Variants in RAD51D observed in about 807,000 individuals in gnomAD.
RAD51D encodes DNA repair protein RAD51 homolog 4.
Under a neutral mutation model 44.1 loss-of-function variants are expected in RAD51D, and 38 were observed. That is an observed-to-expected ratio of 0.86 (90% CI 0.67 to 1.13). The LOEUF (loss-of-function observed/expected upper bound fraction) is 1.13. Among genes scored for constraint, RAD51D ranks in the 50% most tolerant of loss-of-function variants. RAD51D has a pLI of 0.00. For synonymous variants in RAD51D, 141 were observed against 166.6 expected, an observed-to-expected ratio of 0.85 and a Z score of 1.18; for missense variants, 390 against 414.0, an observed-to-expected ratio of 0.94 and a Z score of 0.50.
rs2142417620 is a variant in RAD51D, at chr17:35,103,216, C to T, written c.738+38G>A. ...AAGGGAAATAAAGAGCTCGCAATAACTAGAAATCAAGTTCATTGGCCAAGC... is the reference window on the plus strand; with the variant it reads ...AAGGGAAATAAAGAGCTCGCAATAATTAGAAATCAAGTTCATTGGCCAAGC... On this transcript the variant is annotated intron_variant, in intron 8 of 9. Coordinates refer to ENST00000345365, the MANE Select transcript of RAD51D (RefSeq NM_002878.4). The surrounding 1 kb of genome is among the most constrained non-coding windows in gnomAD (Gnocchi z 4.1). 2 of 1,571,846 alleles carry T rather than the reference C, an allele frequency of 1.3e-6. No individual in the cohort carries two copies. Among genetic ancestry groups the T allele is most frequent in the Non-Finnish European group, 1.7e-6 (2 of 1,155,314 alleles).
intron 9 of RAD51D, 64 bp downstream of exon 9, chr17:35,101,137 C>G (rs938365012): frequency 1.4e-5 from 23 of 1,612,276 alleles, no homozygotes; most frequent in Non-Finnish European, 1.9e-5. Context: ...TCGAAGACAT[C>G]TGTGGGTATG....
rs541794484 is a variant in RAD51D at position 35,114,124 on chromosome 17, T to C, written c.263+4377A>G. The stretch of plus-strand genomic sequence containing the variant: ...CGTCTCTACTAAAAATACAAAAAAT[T>C]AGCTGGGCGTGGTGGCGGGCGCCTG... On this transcript the variant is annotated intron_variant, in intron 3 of 9. Transcript: ENST00000345365. Among the ~76,000 whole-genome samples the C allele has an allele frequency of 2.0e-5, 3 of 152,012 alleles. No individual in the cohort carries two copies. The East Asian group carries it at 5.8e-4, about 29-fold the overall frequency.
In RAD51D at chr17:35,095,753, C is replaced by T. The variant is rs7217224; in HGVS notation, c.*5200G>A. ...GCAGAGGTGCAGTGAGCTGAGATCA[C>T]GCCACTGCACTCCAGCCTGAGCAAG... On this transcript the variant is annotated 3_prime_UTR_variant, in exon 10 of 10. Coordinates refer to ENST00000345365, the MANE Select transcript of RAD51D (RefSeq NM_002878.4). 0.016 allele frequency: 2,414 copies of T among 151,504 alleles called. 64 individuals are homozygous for T. Among genetic ancestry groups the T allele is most frequent in the East Asian group, 0.13 (652 of 5,136 alleles). 9.4% of individuals were successfully genotyped at this position (151,504 alleles called of 1,614,324 possible). A position where few individuals can be genotyped will look rare whatever the true frequency, so the allele number is the denominator to read the frequency against.
In RAD51D at chr17:35,119,171, C is replaced by T. The variant is rs757325572; in HGVS notation, c.84G>A (p.Val28=). The T allele has an allele frequency of 3.1e-6, 5 of 1,613,492 alleles. No homozygotes were observed. Among genetic ancestry groups the T allele is most frequent in the African/African-American group, 1.3e-5 (1 of 74,928 alleles). The part of the protein sequence containing the change: ...QLLRSHRIKT[V]VDLVSADLEE... Reference sequence around the variant, plus strand: ...CCAGGTCTGCAGAAACCAGGTCCACCACTGAAAACAAAACACGTATAGCGG... The same window carrying T: ...CCAGGTCTGCAGAAACCAGGTCCACTACTGAAAACAAAACACGTATAGCGG... Residue 28 remains valine, a splice_region_variant and synonymous_variant, in exon 2 of 10, where the codon GTG becomes GTA. Transcript: ENST00000345365.
At chr17:35,117,175 A>T in intron 3 of RAD51D, 1 of 936,214 alleles carries the variant, frequency 1.1e-6, no homozygotes, top group Non-Finnish European at 1.6e-6. Context: ...TAGAGGCCTT[A>T]AGGGCAGGGG....
chr17:35,105,350 G>GT (rs932083894), intron 6 of RAD51D, among the ~76,000 whole-genome samples: 31 of 152,208 alleles, frequency 2.0e-4, no homozygotes, highest in African/African-American at 6.0e-4. Context: ...AGGTACAGTG[G>GT]TATGATCATA....
intron 1 of RAD51D, 64 bp downstream of exon 1, chr17:35,119,468 C>A: frequency 6.4e-7 from 1 of 1,561,728 alleles, no homozygotes; most frequent in South Asian, 1.1e-5. Flanking sequence ...GTGCGCCAGC[C>A]CTCGGGGCCT....
chr17:35,114,369 T>TGCAG (rs1357952767), intron 3 of RAD51D, among the ~76,000 whole-genome samples: 1 of 152,100 alleles, frequency 6.6e-6, no homozygotes, highest in Non-Finnish European at 1.5e-5. Context: ...CACATTGGAT[T>TGCAG]CACCTGGGAG....
At chr17:35,118,682 T>C in intron 2 of RAD51D, 63 bp from the exon 3 acceptor site, 2 of 1,193,868 alleles carry the variant, frequency 1.7e-6, no homozygotes, top group South Asian at 1.2e-5. Context: ...TCCCAGGGTG[T>C]CATTCACCCT....
chr17:35,119,287 G>A (rs935914319), intron 1 of RAD51D, 115 bp from the exon 2 acceptor site: 2 of 1,050,154 alleles, frequency 1.9e-6, no homozygotes, highest in Non-Finnish European at 2.9e-6. Context: ...GCCGTCTCAG[G>A]AGGCCAGTGT....
At chr17:35,104,210 A>G (rs1174314295) in intron 6 of RAD51D, among the ~76,000 whole-genome samples, 1 of 152,138 alleles carries the variant, frequency 6.6e-6, no homozygotes, top group African/African-American at 2.4e-5. Context: ...GCCTCCCACC[A>G]TGGTGGTAAG....
chr17:35,102,169 T>C (rs2091546811), intron 8 of RAD51D, among the ~76,000 whole-genome samples: 1 of 151,432 alleles, frequency 6.6e-6, no homozygotes, highest in Non-Finnish European at 1.5e-5. Context: ...GTATTTTTTA[T>C]GTTGTTGTTT....
intron 1 of RAD51D, 150 bp downstream of exon 1, chr17:35,119,382 C>T: frequency 9.8e-7 from 1 of 1,024,304 alleles, no homozygotes; most frequent in East Asian, 2.4e-5. Flanking sequence ...CTCCCCACGC[C>T]CACCCTTCCT....
chr17:35,116,480 T>TA (rs1555569954), intron 3 of RAD51D, among the ~76,000 whole-genome samples: 1 of 150,848 alleles, frequency 6.6e-6, no homozygotes. Flanking sequence ...TGATGATTTA[T>TA]TTTTATTTTA....
At chr17:35,115,321 G>A (rs762948778) in intron 3 of RAD51D, 39 of 515,078 alleles carry the variant, frequency 7.6e-5, no homozygotes, top group South Asian at 5.4e-4. Context: ...GGGGACTGTG[G>A]GATGAACAGA....
At chr17:35,117,105 G>A (rs1230327784) in intron 3 of RAD51D, 20 of 1,507,646 alleles carry the variant, frequency 1.3e-5, no homozygotes, top group East Asian at 4.5e-5. Context: ...CCTCCTTACC[G>A]TTGCCTCCCT....
chr17:35,113,853 C>T (rs1044762800), intron 3 of RAD51D, among the ~76,000 whole-genome samples: 1 of 152,190 alleles, frequency 6.6e-6, no homozygotes, highest in Non-Finnish European at 1.5e-5. Flanking sequence ...GAATCAGAAA[C>T]TCTGGGAATG....
chr17:35,100,610 A>G lies in RAD51D; in HGVS notation c.*343T>C, dbSNP rs560606097. ...GCGCTAGGAGGGAGCACAGGACACAATGGTGATGCACAGGATTATCCATCC... is the reference window on the plus strand; with the variant it reads ...GCGCTAGGAGGGAGCACAGGACACAGTGGTGATGCACAGGATTATCCATCC... On this transcript the variant is annotated 3_prime_UTR_variant, in exon 10 of 10. Coordinates refer to ENST00000345365, the MANE Select transcript of RAD51D (RefSeq NM_002878.4). 162 of 555,342 alleles carry G rather than the reference A, an allele frequency of 2.9e-4. No individual in the cohort carries two copies. The highest frequency in any genetic ancestry group is 2.8e-3 in the African/African-American group (151 of 54,190). 34.4% of individuals were successfully genotyped at this position (555,342 alleles called of 1,614,324 possible). A position where few individuals can be genotyped will look rare whatever the true frequency, so the allele number is the denominator to read the frequency against.
intron 3 of RAD51D, among the ~76,000 whole-genome samples, chr17:35,117,501 C>CT (rs1275189315): frequency 6.6e-6 from 1 of 151,950 alleles, no homozygotes; most frequent in Non-Finnish European, 1.5e-5. Flanking sequence ...ATAACTGCTC[C>CT]TTTTTTTTGA....
Sources: gnomAD v4.1 joint callset for allele counts (sites outside exome capture counted in the v4.1 genomes callset) on GRCh38, gnomAD v4.1.1 for gene constraint, Gnocchi (gnomAD v3.1) non-coding constraint, MANE v1.5 for transcripts, NCBI Gene and HGNC (gene_info 2026-07-23, HGNC 2026-07-21) for gene names.